Variants in FAM20C observed in about 807,000 individuals in gnomAD.
The protein encoded by FAM20C is extracellular serine/threonine protein kinase FAM20C.
Under a neutral mutation model 51.5 loss-of-function variants are expected in FAM20C, and 40 were observed. The ratio of observed to expected loss-of-function variants is 0.78; its 90% confidence interval spans 0.60 to 1.01. The LOEUF (loss-of-function observed/expected upper bound fraction) is 1.01, where lower values mean the gene tolerates loss of function less well. FAM20C is among the 50% of genes least tolerant of loss of function. FAM20C has a pLI of 0.00. For synonymous variants in FAM20C, 406 were observed against 380.6 expected (o/e 1.07, Z -0.78); for missense variants, 861 against 844.7 (o/e 1.02, Z -0.24).
chr7:208,185 C>CG (rs1204946646), intron 2 of FAM20C, among the ~76,000 whole-genome samples: 1 of 142,098 alleles, frequency 7.0e-6, no homozygotes, highest in East Asian at 2.0e-4. Context: ...AGGGGTGTGT[C>CG]GGGGGGTGTC....
intron 3 of FAM20C, among the ~76,000 whole-genome samples, chr7:210,066 CCGCTCACA>C (rs774416836): frequency 7.9e-5 from 12 of 152,214 alleles, no homozygotes; most frequent in Non-Finnish European, 1.5e-4. Context: ...GAGGGCATCC[CCGCTCACA>C]CGCTCACACA....
At chr7:235,073 C>T (rs1411295769) in intron 3 of FAM20C, among the ~76,000 whole-genome samples, 2 of 152,192 alleles carry the variant, frequency 1.3e-5, no homozygotes, top group East Asian at 3.9e-4. Context: ...AATGTCACAT[C>T]ACGTTAGCCC....
intron 3 of FAM20C, among the ~76,000 whole-genome samples, chr7:220,371 C>A (rs1486103498): frequency 1.3e-5 from 2 of 152,224 alleles, no homozygotes; most frequent in Non-Finnish European, 2.9e-5. Flanking sequence ...GGATGCTGCT[C>A]ACGCAGGTTC....
At chr7:206,039 C>A (rs1364095335) in intron 2 of FAM20C, among the ~76,000 whole-genome samples, 1 of 152,136 alleles carries the variant, frequency 6.6e-6, no homozygotes, top group Non-Finnish European at 1.5e-5. Context: ...TCCACGCCCT[C>A]AGCACACGCG....
chr7:203,677 C>T (rs1786228283), intron 2 of FAM20C, among the ~76,000 whole-genome samples: 1 of 152,238 alleles, frequency 6.6e-6, no homozygotes, highest in Non-Finnish European at 1.5e-5. Context: ...GATCTTCATG[C>T]CTTTAATTTC....
chr7:204,209 C>T (rs568850931), intron 2 of FAM20C, among the ~76,000 whole-genome samples: 1 of 151,908 alleles, frequency 6.6e-6, no homozygotes, highest in East Asian at 1.9e-4. Context: ...ACGCTGTTTG[C>T]TGTCATTGAA....
rs1488895230 is a variant in FAM20C at position 259,735 on chromosome 7, C to T, written c.1510C>T (p.Arg504Trp). The T allele has an allele frequency of 2.4e-5, 37 of 1,533,116 alleles. No homozygotes were observed. Among genetic ancestry groups the T allele is most frequent in the African/African-American group, 2.7e-5 (2 of 72,992 alleles). The allele number at this position is 1,533,116 out of a possible 1,614,324, so 95.0% of individuals were successfully genotyped here. ...TGATGCCCCTCTCCTCCCCAGGATC[C>T]GGAAGTCCACCTACCTGCGTCTGCA... ...LVPLQQCCRIRKSTYLRLQLL... is the reference protein window; with the variant it reads ...LVPLQQCCRIWKSTYLRLQLL... The change falls in exon 10 of 10, where the codon CGG (arginine) becomes TGG (tryptophan). Residue 504 changes from arginine to tryptophan, a missense_variant. Arg to Trp is a moderately radical substitution (Grantham distance 101). This residue lies in a region of FAM20C where 269 missense variants were observed against 283.8 expected (regional missense o/e 0.95). Transcript: ENST00000313766.
chr7:241,018 G>C (rs1787931484), intron 3 of FAM20C, among the ~76,000 whole-genome samples: 1 of 152,198 alleles, frequency 6.6e-6, no homozygotes, highest in South Asian at 2.1e-4. Flanking sequence ...GAACTGGTGA[G>C]GTTTCTGCAC....
intron 3 of FAM20C, among the ~76,000 whole-genome samples, chr7:216,698 TGA>T (rs1562376400): frequency 1.5e-5 from 2 of 136,472 alleles, no homozygotes. Context: ...TGTGTGTGTG[TGA>T]GACAGAGTGT....
intron 2 of FAM20C, among the ~76,000 whole-genome samples, chr7:199,546 G>T (rs892224338): frequency 6.6e-6 from 1 of 152,154 alleles, no homozygotes; most frequent in Non-Finnish European, 1.5e-5. Flanking sequence ...CAGAAATATT[G>T]TTGTAATGGA....
chr7:202,921 G>GAT (rs1467651230), intron 2 of FAM20C, among the ~76,000 whole-genome samples: 2 of 152,300 alleles, frequency 1.3e-5, no homozygotes, highest in African/African-American at 2.4e-5. Flanking sequence ...AGATTTGCAT[G>GAT]ATATGTTTTT....
intron 8 of FAM20C, among the ~76,000 whole-genome samples, chr7:258,126 G>A (rs868529039): frequency 5.8e-4 from 65 of 112,526 alleles, no homozygotes; most frequent in African/African-American, 1.8e-3. Context: ...GGAGATAGGC[G>A]GGGTGGACCC....
rs150758679 is a variant in FAM20C, at chr7:214,287, C to T, written c.863+5311C>T. Among the ~76,000 whole-genome samples, 578 of 151,746 alleles carry T rather than the reference C, an allele frequency of 3.8e-3. 1 individual carries two copies. The highest frequency in any genetic ancestry group is 6.8e-3 in the Non-Finnish European group (459 of 67,946). On this transcript the variant is annotated intron_variant, in intron 3 of 9. Transcript: ENST00000313766. Reference sequence around the variant, plus strand: ...TTGCAGTGAGCCGAGATCACGCCACCGCACTCCAGCCTGGGCAATAAGAGT... The same window carrying T: ...TTGCAGTGAGCCGAGATCACGCCACTGCACTCCAGCCTGGGCAATAAGAGT...
At chr7:246,583 G>GT in intron 4 of FAM20C, 76 bp downstream of exon 4, 7 of 551,574 alleles carry the variant, frequency 1.3e-5, no homozygotes, top group Non-Finnish European at 1.6e-5. Context: ...GTCCTGCACT[G>GT]GACACAGCAG....
At position 242,103 on chromosome 7, in the gene FAM20C, G is replaced by A. The variant is rs928985671; in HGVS notation, c.864-4312G>A. Among the ~76,000 whole-genome samples, 20 of 152,154 alleles carry A rather than the reference G, an allele frequency of 1.3e-4. 2 individuals are homozygous for A. The highest frequency in any genetic ancestry group is 1.1e-3 in the Admixed American group (17 of 15,278). Reference sequence around the variant, plus strand: ...TCTGGCAGGCCTGGAGAGCTCTGCGGGGACATCCCATTGTACTTCGCCTGC... The same window carrying A: ...TCTGGCAGGCCTGGAGAGCTCTGCGAGGACATCCCATTGTACTTCGCCTGC... On this transcript the variant is annotated intron_variant, in intron 3 of 9. Coordinates refer to ENST00000313766, the MANE Select transcript of FAM20C (RefSeq NM_020223.4).
chr7:194,031 C>G, intron 1 of FAM20C: 1 of 622,266 alleles, frequency 1.6e-6, no homozygotes, highest in Non-Finnish European at 2.4e-6. Flanking sequence ...CCTGTGGCTG[C>G]TGGTGAGGAA....
chr7:259,692 C>T (rs1583349689), intron 9 of FAM20C, 39 bp from the exon 10 acceptor site: 3 of 1,511,400 alleles, frequency 2.0e-6, no homozygotes, highest in East Asian at 4.9e-5. Context: ...AGGCATCTCC[C>T]CTGTCCCGTG....
Position 260,144 on chromosome 7 carries a change from A to T in FAM20C, c.*164A>T. The T allele has an allele frequency of 2.1e-6, 2 of 968,634 alleles. No homozygotes were observed. The highest frequency in any genetic ancestry group is 3.3e-5 in the African/African-American group (2 of 60,308). 60.0% of individuals were successfully genotyped at this position (968,634 alleles called of 1,614,324 possible). ...CGAGGCTCCCCAGGTCTCATAGGAC[A>T]CATTTTGTCAGTGTTTGACCAGAAA... On this transcript the variant is annotated 3_prime_UTR_variant, in exon 10 of 10. Coordinates refer to ENST00000313766, the MANE Select transcript of FAM20C (RefSeq NM_020223.4).
At position 233,634 on chromosome 7, in the gene FAM20C, G is replaced by A. The variant is rs1035377009; in HGVS notation, c.864-12781G>A. 7.9e-5 allele frequency among the ~76,000 whole-genome samples: 12 copies of A among 152,136 alleles called. 1 individual carries two copies. The highest frequency in any genetic ancestry group is 4.1e-4 in the South Asian group (2 of 4,822). On this transcript the variant is annotated intron_variant, in intron 3 of 9. Transcript: ENST00000313766. ...CCCTCCTCCATCCTGAGAGCCGGCC[G>A]CGCAGCGTCTTCTGAAGTCAGGTCT...
Sources: allele counts gnomAD v4.1 joint callset (sites outside exome capture counted in the v4.1 genomes callset), GRCh38; gene constraint gnomAD v4.1.1; regional missense constraint gnomAD v4.1.1; transcripts MANE v1.5; gene names NCBI Gene and HGNC (gene_info 2026-07-23, HGNC 2026-07-21).